RABL3: variants seen among roughly 807,000 people sequenced by gnomAD.
The protein encoded by RABL3 is RAB, member of RAS oncogene family like 3.
RABL3 carries 31 observed loss-of-function variants against 31.8 expected under a neutral mutation model. The ratio of observed to expected loss-of-function variants is 0.97; its 90% CI spans 0.73 to 1.31. The LOEUF is 1.31. Among genes scored for constraint, RABL3 ranks in the 40% most tolerant of loss-of-function variants. The pLI is 0.00. For missense variants in RABL3, 263 were observed against 279.6 expected, an observed-to-expected ratio of 0.94 and a Z score of 0.42; for synonymous variants, 97 against 99.9, an observed-to-expected ratio of 0.97 and a Z score of 0.18.
chr3:120,698,742 A>G (rs1312898120), intron 4 of RABL3, among the ~76,000 whole-genome samples, 169 bp from the exon 5 acceptor site: 2 of 152,208 alleles, frequency 1.3e-5, no homozygotes. Flanking sequence ...TTGTTCTTTT[A>G]TCAATCCATC....
chr3:120,740,254 C>T (rs761552991), intron 1 of RABL3, among the ~76,000 whole-genome samples: 3 of 152,260 alleles, frequency 2.0e-5, no homozygotes, highest in South Asian at 2.1e-4. Context: ...CAAATATCAA[C>T]TTATTCTTTT....
chr3:120,705,560 A>G (rs1576335152), intron 4 of RABL3, among the ~76,000 whole-genome samples: 2 of 152,206 alleles, frequency 1.3e-5, no homozygotes, highest in South Asian at 4.1e-4. Context: ...TTTTCAATAA[A>G]TGGTGCTGGA....
At chr3:120,732,253 T>C (rs190881884) in intron 1 of RABL3, among the ~76,000 whole-genome samples, 60 of 152,296 alleles carry the variant, frequency 3.9e-4, no homozygotes, top group African/African-American at 1.2e-3. Context: ...CCCTCACCCA[T>C]TGGCCTGGTG....
chr3:120,734,063 T>A (rs1312793045), intron 1 of RABL3, among the ~76,000 whole-genome samples: 2 of 151,166 alleles, frequency 1.3e-5, no homozygotes, highest in Non-Finnish European at 1.5e-5. Context: ...TGAACTTTAG[T>A]TTTTTCCAAT....
At chr3:120,731,667 C>A (rs1177396201) in intron 1 of RABL3, among the ~76,000 whole-genome samples, 1 of 152,098 alleles carries the variant, frequency 6.6e-6, no homozygotes, top group Non-Finnish European at 1.5e-5. Context: ...CTAGTTTTAT[C>A]AAAAATTTAG....
At chr3:120,721,837 A>G (rs566816762) in intron 2 of RABL3, among the ~76,000 whole-genome samples, 1 of 152,330 alleles carries the variant, frequency 6.6e-6, no homozygotes, top group Non-Finnish European at 1.5e-5. Flanking sequence ...CCTAATAGAT[A>G]TCTACAGAAC....
chr3:120,730,230 A>G (rs560707817), intron 2 of RABL3, among the ~76,000 whole-genome samples: 1 of 152,216 alleles, frequency 6.6e-6, no homozygotes, highest in African/African-American at 2.4e-5. Flanking sequence ...AAGACCAATG[A>G]TATCTGGGAA....
At chr3:120,721,482 C>T (rs1479392890) in intron 2 of RABL3, among the ~76,000 whole-genome samples, 1 of 151,850 alleles carries the variant, frequency 6.6e-6, no homozygotes. Flanking sequence ...GATGGAAGAA[C>T]ATCTACTGAG....
intron 1 of RABL3, among the ~76,000 whole-genome samples, chr3:120,732,300 A>T (rs1708893208): frequency 6.6e-6 from 1 of 152,190 alleles, no homozygotes; most frequent in Non-Finnish European, 1.5e-5. Context: ...TTCTAGTTAT[A>T]AAGTATTTTC....
intron 6 of RABL3, among the ~76,000 whole-genome samples, chr3:120,692,268 G>A (rs931595121): frequency 6.6e-6 from 1 of 151,858 alleles, no homozygotes; most frequent in African/African-American, 2.4e-5. Context: ...GTGCGATCTC[G>A]GCTCACTGCA....
chr3:120,689,978 T>C (rs1708360632), intron 7 of RABL3, 90 bp from the exon 8 acceptor site: 2 of 1,009,934 alleles, frequency 2.0e-6, no homozygotes, highest in Admixed American at 1.9e-5. Flanking sequence ...CATTTCTGTA[T>C]GTCAGCCTGC....
At chr3:120,693,365 GA>G (rs1305716694) in intron 6 of RABL3, among the ~76,000 whole-genome samples, 4 of 151,938 alleles carry the variant, frequency 2.6e-5, no homozygotes, top group African/African-American at 7.2e-5. Context: ...ATAGTTAAAA[GA>G]AAAAAATGAT....
chr3:120,695,508 T>C (rs150735336), intron 5 of RABL3, among the ~76,000 whole-genome samples: 5 of 152,278 alleles, frequency 3.3e-5, no homozygotes, highest in Non-Finnish European at 7.4e-5. Flanking sequence ...AAATAATCCA[T>C]ACCTGGACAT....
At chr3:120,740,432 C>T (rs1709027054) in intron 1 of RABL3, among the ~76,000 whole-genome samples, 1 of 151,964 alleles carries the variant, frequency 6.6e-6, no homozygotes, top group Admixed American at 6.6e-5. Flanking sequence ...GGCTAACTTT[C>T]TGTACTGTTT....
At chr3:120,705,802 C>T (rs898798352) in intron 4 of RABL3, among the ~76,000 whole-genome samples, 198 bp downstream of exon 4, 10 of 151,828 alleles carry the variant, frequency 6.6e-5, no homozygotes, top group Non-Finnish European at 1.2e-4. Context: ...AAAGCACAAT[C>T]CATAGAAGAA....
chr3:120,731,089 A>T (rs111652733), intron 1 of RABL3, among the ~76,000 whole-genome samples: 1,732 of 150,280 alleles, frequency 0.012, 33 homozygotes, highest in African/African-American at 0.04. Flanking sequence ...CCCAAGTGAT[A>T]CTGATACTGG....
chr3:120,724,054 C>T (rs1032048220), intron 2 of RABL3, among the ~76,000 whole-genome samples: 20 of 152,286 alleles, frequency 1.3e-4, no homozygotes, highest in South Asian at 1.2e-3. Context: ...AAAACCCCAT[C>T]GTCTCAGCCC....
At chr3:120,709,632 G>C (rs1465882525) in intron 3 of RABL3, 148 bp downstream of exon 3, 1 of 513,160 alleles carries the variant, frequency 1.9e-6, no homozygotes, top group African/African-American at 1.9e-5. Context: ...ACGCAAACTG[G>C]AATGTACTAT....
chr3:120,742,534 G>T (rs369854386), upstream of RABL3: 22 of 1,612,880 alleles, frequency 1.4e-5, no homozygotes, highest in African/African-American at 2.7e-4. Flanking sequence ...CTGGGTTAAC[G>T]CCTGTTCCTG....
Sources: gnomAD v4.1 joint callset for allele counts (sites outside exome capture counted in the v4.1 genomes callset) on GRCh38, gnomAD v4.1.1 for gene constraint, MANE v1.5 for transcripts, NCBI Gene and HGNC (gene_info 2026-07-23, HGNC 2026-07-21) for gene names.